The following ARHGEF3 variants were observed in gnomAD, a reference collection of about 807,000 sequenced individuals.
ARHGEF3 encodes Rho guanine nucleotide exchange factor 3, also known as 59.8 kDA protein.
In ARHGEF3, 28 loss-of-function variants were observed where a neutral mutation model predicts 63.2. The observed-to-expected ratio is 0.44, with a 90% CI of 0.33 to 0.61. ARHGEF3 has a LOEUF of 0.61. Among genes scored for constraint, ARHGEF3 ranks in the 20% least tolerant of loss-of-function variants. The probability of loss-of-function intolerance (pLI) is 0.03; values close to 1 mark genes in which losing one functional copy is unlikely to be tolerated. For missense variants in ARHGEF3, 533 were observed against 659.3 expected, an observed-to-expected ratio of 0.81 and a Z score of 2.10; for synonymous variants, 266 against 254.2, an observed-to-expected ratio of 1.05 and a Z score of -0.44.
intron 3 of ARHGEF3, among the ~76,000 whole-genome samples, chr3:56,940,387 A>AT (rs1441171830): frequency 1.3e-5 from 2 of 152,256 alleles, no homozygotes; most frequent in Non-Finnish European, 2.9e-5. Flanking sequence ...AACGATAACT[A>AT]TATAAAATAA....
chr3:57,028,703 T>G (rs571007431), intron 2 of ARHGEF3, among the ~76,000 whole-genome samples: 1 of 137,804 alleles, frequency 7.3e-6, no homozygotes, highest in African/African-American at 2.9e-5. Flanking sequence ...AAAAAAAAAA[T>G]AAATAAATAA....
At chr3:56,818,430 T>C (rs940917194) in intron 4 of ARHGEF3, among the ~76,000 whole-genome samples, 2 of 152,078 alleles carry the variant, frequency 1.3e-5, no homozygotes, top group African/African-American at 4.8e-5. Context: ...CTGGTGGAGA[T>C]AATGGGAAAG....
At chr3:57,027,846 G>A (rs867258601) in intron 2 of ARHGEF3, among the ~76,000 whole-genome samples, 17 of 152,084 alleles carry the variant, frequency 1.1e-4, no homozygotes, top group African/African-American at 3.4e-4. Flanking sequence ...GCAACAGAGC[G>A]AGACTCTGTC....
intron 3 of ARHGEF3, among the ~76,000 whole-genome samples, chr3:56,943,895 C>T (rs1404661129): frequency 2.1e-5 from 3 of 142,964 alleles, no homozygotes; most frequent in African/African-American, 7.9e-5. Flanking sequence ...GCCTGGGCGA[C>T]AGAGAGAGAC....
At chr3:56,940,713 T>A (rs1488268262) in intron 3 of ARHGEF3, 2 of 150,912 alleles carry the variant, frequency 1.3e-5, no homozygotes, top group Non-Finnish European at 3.0e-5. Flanking sequence ...AAAAAGCATC[T>A]GTTAAATACT....
intron 2 of ARHGEF3, among the ~76,000 whole-genome samples, chr3:56,762,785 G>A (rs1368525757): frequency 1.3e-5 from 2 of 152,144 alleles, no homozygotes; most frequent in African/African-American, 2.4e-5. Context: ...CTCCTATGTT[G>A]CCACTGCGGT....
chr3:56,733,133 A>AG (rs1482682300), intron 8 of ARHGEF3, among the ~76,000 whole-genome samples: 4 of 151,690 alleles, frequency 2.6e-5, no homozygotes, highest in Non-Finnish European at 4.4e-5. Context: ...AATACAAAAA[A>AG]TTAGCCGGGT....
At chr3:57,010,948 A>T (rs949465357) in intron 2 of ARHGEF3, among the ~76,000 whole-genome samples, 1 of 152,214 alleles carries the variant, frequency 6.6e-6, no homozygotes, top group Non-Finnish European at 1.5e-5. Context: ...AATGAGCCAA[A>T]CACAAAAGGG....
Position 56,751,289 on chromosome 3 carries a change from CA to C in ARHGEF3, c.535+10del. ...TACAAGTCACGACTCATCCTGGGAA[CA>C]AAATTATACCTTCATGTAGAGGAAT... On this transcript the variant is annotated intron_variant, in intron 5 of 9. Transcript: ENST00000296315. 3.1e-6 allele frequency: 5 copies of C among 1,606,734 alleles called. No homozygotes were observed. The highest frequency in any genetic ancestry group is 4.3e-6 in the Non-Finnish European group (5 of 1,173,418).
chr3:56,986,177 C>T (rs1255860480), intron 2 of ARHGEF3, among the ~76,000 whole-genome samples: 3 of 152,200 alleles, frequency 2.0e-5, no homozygotes, highest in Non-Finnish European at 2.9e-5. Flanking sequence ...TACCAGCAAC[C>T]TAAAGAGCCC....
rs565139078 is a variant in ARHGEF3 at position 56,748,910 on chromosome 3, G to C, written c.612+2146C>G. On this transcript the variant is annotated intron_variant, in intron 6 of 9. Coordinates refer to ENST00000296315, the MANE Select transcript of ARHGEF3 (RefSeq NM_019555.3). ...ACTTGGAAGGCTCACTTGTTTAAAA[G>C]GGTTCCCCCCCACCCCCCTTTTTTC... Among the ~76,000 whole-genome samples the C allele has an allele frequency of 2.6e-5, 4 of 152,090 alleles. No individual in the cohort carries two copies. The East Asian group carries it at 7.7e-4, about 29-fold the overall frequency.
chr3:56,972,950 T>C (rs1700976237), intron 2 of ARHGEF3, among the ~76,000 whole-genome samples: 1 of 151,266 alleles, frequency 6.6e-6, no homozygotes, highest in Non-Finnish European at 1.5e-5. Flanking sequence ...AGATGAGGGA[T>C]GGCAGGGACT....
Position 56,729,107 on chromosome 3 carries a change from C to G in ARHGEF3, c.*163G>C. 3 of 620,922 alleles carry G rather than the reference C, an allele frequency of 4.8e-6. No individual in the cohort carries two copies. The East Asian group carries it at 8.4e-5, about 17-fold the overall frequency. The allele number at this position is 620,922 out of a possible 1,614,324, so 38.5% of individuals were successfully genotyped here. A position where few individuals can be genotyped will look rare whatever the true frequency, so the allele number is the denominator to read the frequency against. On this transcript the variant is annotated 3_prime_UTR_variant, in exon 10 of 10. Transcript: ENST00000296315. ...ATTCCAGCTTACACAGACAGATTGGCAGTTACAGTACTAGGGACAAAGGTA... is the reference window on the plus strand; with the variant it reads ...ATTCCAGCTTACACAGACAGATTGGGAGTTACAGTACTAGGGACAAAGGTA...
At chr3:56,799,251 T>G (rs953260518) in intron 1 of ARHGEF3, among the ~76,000 whole-genome samples, 2 of 152,192 alleles carry the variant, frequency 1.3e-5, no homozygotes, top group African/African-American at 4.8e-5. Context: ...TTTTCCCCAG[T>G]ACACTTGCTG....
At chr3:56,810,736 G>C (rs961014529) in intron 4 of ARHGEF3, among the ~76,000 whole-genome samples, 3 of 152,128 alleles carry the variant, frequency 2.0e-5, no homozygotes, top group Non-Finnish European at 2.9e-5. Context: ...GACACTCCCA[G>C]AGACCACCTG....
chr3:57,069,808 C>G (rs1452672605), intron 1 of ARHGEF3, among the ~76,000 whole-genome samples: 1 of 152,156 alleles, frequency 6.6e-6, no homozygotes, highest in African/African-American at 2.4e-5. Context: ...TCACACCCAA[C>G]TAATTTTTAA....
intron 1 of ARHGEF3, among the ~76,000 whole-genome samples, chr3:57,042,895 C>T (rs1379187190): frequency 6.6e-6 from 1 of 150,812 alleles, no homozygotes; most frequent in African/African-American, 2.4e-5. Context: ...GACGAGGTTT[C>T]ACCATGTTAG....
chr3:56,733,059 G>C (rs546755421), intron 8 of ARHGEF3, among the ~76,000 whole-genome samples: 1 of 151,930 alleles, frequency 6.6e-6, no homozygotes, highest in Non-Finnish European at 1.5e-5. Context: ...TGAGGCGGGC[G>C]GATCACCAGG....
intron 4 of ARHGEF3, among the ~76,000 whole-genome samples, chr3:56,860,721 T>G (rs1421368521): frequency 6.6e-6 from 1 of 152,170 alleles, no homozygotes; most frequent in African/African-American, 2.4e-5. Context: ...CAATCCAAGT[T>G]TAGAGACCCC....
Sources: allele counts gnomAD v4.1 joint callset (sites outside exome capture counted in the v4.1 genomes callset), GRCh38; gene constraint gnomAD v4.1.1; transcripts MANE v1.5; gene names NCBI Gene and HGNC (gene_info 2026-07-23, HGNC 2026-07-21).